The following CASK variants were observed in gnomAD, a reference collection of about 807,000 sequenced individuals.
CASK encodes peripheral plasma membrane protein CASK.
In CASK, 4 loss-of-function variants were observed where a neutral mutation model predicts 82.9. That is an observed-to-expected ratio of 0.05 (90% CI 0.02 to 0.11). The LOEUF (loss-of-function observed/expected upper bound fraction) is 0.11. Among genes scored for constraint, CASK ranks in the 10% least tolerant of loss-of-function variants. CASK has a pLI of 1.00. For synonymous variants in CASK, 259 were observed against 253.5 expected, an observed-to-expected ratio of 1.02 and a Z score of -0.20; for missense variants, 358 against 720.9, an observed-to-expected ratio of 0.50 and a Z score of 5.76.
At chrX:41,770,168 C>T (rs1245355648) in intron 3 of CASK, among the ~76,000 whole-genome samples, 2 of 109,465 alleles carry the variant, frequency 1.8e-5, no homozygotes, top group Non-Finnish European at 3.8e-5. Context: ...AACAATGAAG[C>T]TTACTATGCC....
chrX:41,676,573 C>A (rs1213434994), intron 5 of CASK: 1 of 822,968 alleles, frequency 1.2e-6, no homozygotes. Flanking sequence ...CGCCGCTGGG[C>A]CGGGCCTGGG....
At position 41,529,429 on chromosome X, in the gene CASK, C is replaced by T. The variant is rs746239260; in HGVS notation, c.2520+1578G>A. The T allele has an allele frequency of 1.1e-3, 182 of 172,558 alleles. 1 individual carries two copies. Among genetic ancestry groups the T allele is most frequent in the Non-Finnish European group, 1.4e-3 (131 of 90,972 alleles). The allele number at this position is 172,558 out of a possible 1,213,427, so 14.2% of individuals were successfully genotyped here. A position where few individuals can be genotyped will look rare whatever the true frequency, so the allele number is the denominator to read the frequency against. ...GCAGTGGCGGTGGCGGCGGCAGCAGCGGAGGCAGGTAAGGCAGAAAGCCCT... is the reference window on the plus strand; with the variant it reads ...GCAGTGGCGGTGGCGGCGGCAGCAGTGGAGGCAGGTAAGGCAGAAAGCCCT... On this transcript the variant is annotated intron_variant, in intron 25 of 26. Coordinates refer to ENST00000378163, the MANE Select transcript of CASK (RefSeq NM_001367721.1).
At chrX:41,701,663 A>G (rs1234652291) in intron 5 of CASK, among the ~76,000 whole-genome samples, 2 of 111,897 alleles carry the variant, frequency 1.8e-5, no homozygotes, top group African/African-American at 3.3e-5. Context: ...AGACTTGGAG[A>G]GCTGGTTGGG....
rs867262868 is a variant in CASK, at chrX:41,656,730, G to C, written c.831+3709C>G. 1.7e-4 allele frequency among the ~76,000 whole-genome samples: 19 copies of C among 110,871 alleles called. No homozygotes were observed. The Middle Eastern group carries it at 0.014, about 81-fold the overall frequency. Reference sequence around the variant, plus strand: ...TCGTTTTTCTGATTGATCTGGGGAAGGGGGGTGGTAGAGGATGCTGTTATG... The same window carrying C: ...TCGTTTTTCTGATTGATCTGGGGAACGGGGGTGGTAGAGGATGCTGTTATG... On this transcript the variant is annotated intron_variant, in intron 8 of 26. Coordinates refer to ENST00000378163, the MANE Select transcript of CASK (RefSeq NM_001367721.1).
intron 11 of CASK, among the ~76,000 whole-genome samples, chrX:41,618,456 C>T (rs1204155148): frequency 1.8e-5 from 2 of 110,964 alleles, no homozygotes; most frequent in Non-Finnish European, 3.8e-5. Flanking sequence ...CGCTACCATG[C>T]CTGGCTAATT....
chrX:41,682,241 T>C (rs1346734860), intron 5 of CASK, among the ~76,000 whole-genome samples: 2 of 109,453 alleles, frequency 1.8e-5, no homozygotes, highest in Non-Finnish European at 3.8e-5. Flanking sequence ...AAAAGCGAAA[T>C]AGCAACTTAA....
intron 25 of CASK, among the ~76,000 whole-genome samples, chrX:41,525,067 T>TA (rs1226418733): frequency 9.0e-6 from 1 of 111,681 alleles, no homozygotes; most frequent in Non-Finnish European, 1.9e-5. Context: ...ATTGTAATAG[T>TA]AATTAGACTG....
At chrX:41,692,600 T>G (rs1019103899) in intron 5 of CASK, among the ~76,000 whole-genome samples, 2 of 112,736 alleles carry the variant, frequency 1.8e-5, no homozygotes, top group Non-Finnish European at 3.8e-5. Flanking sequence ...CTCTATGGCT[T>G]TGTAAAGCAT....
chrX:41,560,266 A>G (rs2065209877), intron 17 of CASK, among the ~76,000 whole-genome samples: 1 of 110,847 alleles, frequency 9.0e-6, no homozygotes, highest in African/African-American at 3.3e-5. Context: ...AAAATTTTTT[A>G]TTTATTTATT....
At chrX:41,718,654 T>A (rs1330866764) in intron 5 of CASK, among the ~76,000 whole-genome samples, 1 of 112,171 alleles carries the variant, frequency 8.9e-6, no homozygotes, top group East Asian at 2.8e-4. Context: ...TGGGTTTGTG[T>A]GTGATTTTTT....
At chrX:41,541,552 C>T (rs1314920605) in intron 22 of CASK, among the ~76,000 whole-genome samples, 1 of 112,316 alleles carries the variant, frequency 8.9e-6, no homozygotes, top group Non-Finnish European at 1.9e-5. Flanking sequence ...GTAACTAATG[C>T]GAAGGGAATG....
At chrX:41,854,837 T>A (rs1317011037) in intron 1 of CASK, among the ~76,000 whole-genome samples, 2 of 112,253 alleles carry the variant, frequency 1.8e-5, no homozygotes, top group African/African-American at 6.5e-5. Flanking sequence ...GTTCAAAGAT[T>A]TTCCTCTGTG....
intron 5 of CASK, among the ~76,000 whole-genome samples, chrX:41,713,430 A>G (rs1182814667): frequency 1.8e-5 from 2 of 112,305 alleles, no homozygotes; most frequent in African/African-American, 6.5e-5. Context: ...GGGACTGTCC[A>G]ATTTCACCTA....
At chrX:41,899,047 C>A (rs1330980230) in intron 1 of CASK, among the ~76,000 whole-genome samples, 2 of 111,210 alleles carry the variant, frequency 1.8e-5, no homozygotes, top group Non-Finnish European at 3.8e-5. Flanking sequence ...TTGCTATCTA[C>A]TTCTCTCTTC....
At chrX:41,601,088 G>A (rs774035578) in intron 12 of CASK, among the ~76,000 whole-genome samples, 2 of 111,584 alleles carry the variant, frequency 1.8e-5, no homozygotes, top group Non-Finnish European at 3.8e-5. Flanking sequence ...GTGGTTGCCA[G>A]GGGCTAAGGA....
intron 12 of CASK, among the ~76,000 whole-genome samples, chrX:41,600,730 T>C (rs1452126777): frequency 8.9e-6 from 1 of 112,213 alleles, no homozygotes; most frequent in African/African-American, 3.2e-5. Context: ...TAGCATAAGA[T>C]TTAACTTGCA....
At chrX:41,639,055 G>T (rs2066603796) in intron 8 of CASK, among the ~76,000 whole-genome samples, 1 of 104,969 alleles carries the variant, frequency 9.5e-6, no homozygotes, top group African/African-American at 3.4e-5. Flanking sequence ...AGAACTAATA[G>T]GTAAATTTTC....
intron 5 of CASK, among the ~76,000 whole-genome samples, chrX:41,717,771 C>CT (rs1569416722): frequency 8.9e-6 from 1 of 111,813 alleles, no homozygotes; most frequent in Non-Finnish European, 1.9e-5. Flanking sequence ...TTGGCGGTAT[C>CT]TTTTGAGTTG....
chrX:41,743,678 A>T, intron 4 of CASK: 1 of 297,724 alleles, frequency 3.4e-6, no homozygotes. Flanking sequence ...AGTCATGCTG[A>T]GCTCAAAGCT....
Sources: allele counts gnomAD v4.1 joint callset (sites outside exome capture counted in the v4.1 genomes callset), GRCh38; gene constraint gnomAD v4.1.1; transcripts MANE v1.5; gene names NCBI Gene and HGNC (gene_info 2026-07-23, HGNC 2026-07-21).